SLC44A1: variants seen among roughly 807,000 people sequenced by gnomAD.
SLC44A1 encodes the protein choline transporter-like protein 1.
In SLC44A1, 26 loss-of-function variants were observed where a neutral mutation model predicts 79.3. The ratio of observed to expected loss-of-function variants is 0.33; its 90% CI spans 0.24 to 0.46. The LOEUF (loss-of-function observed/expected upper bound fraction) is 0.46. Ranked by LOEUF, SLC44A1 falls within the 20% of genes least tolerant of loss-of-function variation. The pLI is 1.00. For synonymous variants in SLC44A1, 263 were observed against 286.2 expected, an observed-to-expected ratio of 0.92 and a Z score of 0.82; for missense variants, 688 against 798.1, an observed-to-expected ratio of 0.86 and a Z score of 1.66.
intron 4 of SLC44A1, among the ~76,000 whole-genome samples, chr9:105,340,369 G>A (rs1827049872): frequency 6.6e-6 from 1 of 152,196 alleles, no homozygotes; most frequent in African/African-American, 2.4e-5. Context: ...TAGTTGCCAG[G>A]GTGGCAGGGA....
chr9:105,249,372 A>C (rs925776607), intron 1 of SLC44A1, among the ~76,000 whole-genome samples: 1 of 152,236 alleles, frequency 6.6e-6, no homozygotes, highest in African/African-American at 2.4e-5. Context: ...AGACCTGCAA[A>C]GTAAACTTCA....
chr9:105,400,890 A>C (rs542337779), downstream of SLC44A1, among the ~76,000 whole-genome samples: 3 of 152,300 alleles, frequency 2.0e-5, no homozygotes, highest in African/African-American at 7.2e-5. Flanking sequence ...TTTCATATTC[A>C]TTGTTTTTAT....
intron 5 of SLC44A1, chr9:105,355,933 G>T (rs953565877): frequency 1.2e-5 from 3 of 254,984 alleles, no homozygotes; most frequent in African/African-American, 6.8e-5. Context: ...GTGTGTGTAT[G>T]TGTGTGTGTG....
intron 3 of SLC44A1, among the ~76,000 whole-genome samples, chr9:105,319,421 C>T (rs573721031): frequency 5.9e-5 from 9 of 152,222 alleles, no homozygotes; most frequent in Non-Finnish European, 1.2e-4. Flanking sequence ...TTCTCAGTGT[C>T]AGTGTGTGAC....
intron 1 of SLC44A1, among the ~76,000 whole-genome samples, chr9:105,297,626 C>T (rs1830760673): frequency 6.6e-6 from 1 of 152,138 alleles, no homozygotes; most frequent in African/African-American, 2.4e-5. Context: ...CAGGTGATCG[C>T]CCGCCTCGGC....
intron 15 of SLC44A1, among the ~76,000 whole-genome samples, chr9:105,436,384 A>T (rs1448095039): frequency 6.6e-6 from 1 of 152,166 alleles, no homozygotes; most frequent in Non-Finnish European, 1.5e-5. Context: ...AGGGGAAAAA[A>T]TCATGAAAGT....
rs527388846 is a variant in SLC44A1, at chr9:105,263,782, C to T, written c.36+18878C>T. On this transcript the variant is annotated intron_variant, in intron 1 of 15. Transcript: ENST00000374720. The stretch of plus-strand genomic sequence containing the variant: ...GAACTCCTGACCTCAGGTGATCCAC[C>T]CGTCTCAGCCTCCCAAAGTGCTGGG... Among the ~76,000 whole-genome samples the T allele has an allele frequency of 1.8e-3, 273 of 152,156 alleles. 3 individuals carry two copies. Among genetic ancestry groups the T allele is most frequent in the Admixed American group, 2.0e-3 (31 of 15,272 alleles).
intron 2 of SLC44A1, among the ~76,000 whole-genome samples, chr9:105,302,688 A>C (rs1731710477): frequency 6.6e-6 from 1 of 152,040 alleles, no homozygotes; most frequent in African/African-American, 2.4e-5. Flanking sequence ...AAAAAAAAAA[A>C]AACCTAATTC....
chr9:105,383,414 AT>A, intron 14 of SLC44A1, 55 bp downstream of exon 14: 2 of 993,838 alleles, frequency 2.0e-6, no homozygotes, highest in South Asian at 2.7e-5. Context: ...CAATAAAAAT[AT>A]TTTGTAAAAC....
intron 12 of SLC44A1, among the ~76,000 whole-genome samples, chr9:105,369,429 A>T (rs939482544): frequency 1.1e-4 from 17 of 152,250 alleles, no homozygotes; most frequent in Middle Eastern, 3.4e-3. Context: ...AAATAAGGGC[A>T]CTAATCCATT....
At position 105,335,623 on chromosome 9, in the gene SLC44A1, A is replaced by G. The variant is rs371161493; in HGVS notation, c.330A>G (p.Val110=). ...TGATAAACCGGAAGATTAAGTCTGTAGCACTGTGTGTAGCAGCGTGTCCAA... is the reference window on the plus strand; with the variant it reads ...TGATAAACCGGAAGATTAAGTCTGTGGCACTGTGTGTAGCAGCGTGTCCAA... ...LDLINRKIKS[V]ALCVAACPRQ... Residue 110 remains valine (V), a synonymous_variant, in exon 4 of 16, where the codon GTA becomes GTG. Transcript: ENST00000374720. The G allele has an allele frequency of 4.8e-5, 78 of 1,613,586 alleles. No individual in the cohort carries two copies. In the East Asian group the frequency reaches 1.3e-3, roughly 28 times the overall value.
chr9:105,301,028 C>A (rs1178656707), intron 2 of SLC44A1, among the ~76,000 whole-genome samples: 1 of 152,118 alleles, frequency 6.6e-6, no homozygotes, highest in African/African-American at 2.4e-5. Context: ...TCTCGGCCTC[C>A]CAAAGTGCTG....
At chr9:105,374,945 C>T (rs930105133) in intron 13 of SLC44A1, among the ~76,000 whole-genome samples, 2 of 152,092 alleles carry the variant, frequency 1.3e-5, no homozygotes, top group African/African-American at 4.8e-5. Context: ...AAGGTAAGTT[C>T]CATTATTATC....
At chr9:105,300,071 C>A (rs548631967) in intron 2 of SLC44A1, 3 of 305,632 alleles carry the variant, frequency 9.8e-6, no homozygotes, top group Admixed American at 6.5e-5. Flanking sequence ...ATTTTTAAAG[C>A]GGTCTGATAT....
At chr9:105,305,998 A>C (rs781261018) in intron 2 of SLC44A1, among the ~76,000 whole-genome samples, 14 of 152,238 alleles carry the variant, frequency 9.2e-5, no homozygotes, top group Middle Eastern at 6.8e-3. Flanking sequence ...GGTACTTATG[A>C]GTTGCCAGGT....
intron 3 of SLC44A1, among the ~76,000 whole-genome samples, chr9:105,325,604 C>T (rs751418311): frequency 2.0e-5 from 3 of 152,088 alleles, no homozygotes; most frequent in Non-Finnish European, 4.4e-5. Flanking sequence ...CTTACAAAGC[C>T]ACCAATTCCC....
At chr9:105,386,572 T>C in intron 15 of SLC44A1, 1 of 271,316 alleles carries the variant, frequency 3.7e-6, no homozygotes, top group Non-Finnish European at 5.6e-6. Flanking sequence ...AAACATGAGA[T>C]TTTTTGCCTT....
At chr9:105,351,588 G>GAGAGAAAGAGAA (rs1354091697) in intron 5 of SLC44A1, among the ~76,000 whole-genome samples, 1 of 124,520 alleles carries the variant, frequency 8.0e-6, no homozygotes, top group African/African-American at 3.6e-5. Flanking sequence ...AAGAGAGAAA[G>GAGAGAAAGAGAA]AGAGAAAGAG....
chr9:105,423,338 T>G (rs552504239), intron 15 of SLC44A1, among the ~76,000 whole-genome samples: 1 of 152,108 alleles, frequency 6.6e-6, no homozygotes, highest in South Asian at 2.1e-4. Flanking sequence ...GTGGCACATG[T>G]CTGTAATCCC....
Sources: allele counts gnomAD v4.1 joint callset (sites outside exome capture counted in the v4.1 genomes callset), GRCh38; gene constraint gnomAD v4.1.1; transcripts MANE v1.5; gene names NCBI Gene and HGNC (gene_info 2026-07-23, HGNC 2026-07-21).